CEP135: variants seen among roughly 807,000 people sequenced by gnomAD.
CEP135 encodes the protein centrosomal protein of 135 kDa.
In CEP135, 142 loss-of-function variants were observed where a neutral mutation model predicts 157.3. That is an observed-to-expected ratio of 0.90 (90% CI 0.79 to 1.04). CEP135 has a LOEUF of 1.04. CEP135 is among the 50% of genes least tolerant of loss of function. CEP135 has a pLI of 0.00. For synonymous variants in CEP135, 396 were observed against 439.8 expected (o/e 0.90, Z 1.25); for missense variants, 1,317 against 1,309.2 (o/e 1.01, Z -0.09).
intron 8 of CEP135, among the ~76,000 whole-genome samples, chr4:55,968,831 T>C (rs1425872487): frequency 6.6e-6 from 1 of 152,164 alleles, no homozygotes. Flanking sequence ...TACAAGATGC[T>C]CAAGTGGCCT....
chr4:55,965,940 G>A, intron 8 of CEP135, 81 bp downstream of exon 8: 1 of 1,196,660 alleles, frequency 8.4e-7, no homozygotes, highest in Non-Finnish European at 1.2e-6. Context: ...TTTGATATCT[G>A]CATTCAGGTT....
At chr4:55,996,404 G>T (rs74462891) in intron 15 of CEP135, among the ~76,000 whole-genome samples, 267 of 152,312 alleles carry the variant, frequency 1.8e-3, no homozygotes, top group Non-Finnish European at 2.8e-3. Flanking sequence ...AAGTTATCTG[G>T]ATGCTTAAGA....
intron 3 of CEP135, 53 bp from the exon 4 acceptor site, chr4:55,954,163 T>C (rs1728440155): frequency 9.5e-6 from 14 of 1,472,110 alleles, no homozygotes; most frequent in Non-Finnish European, 1.2e-5. Flanking sequence ...ATGGAAAAAC[T>C]TCATTGGATT....
intron 11 of CEP135, among the ~76,000 whole-genome samples, 185 bp downstream of exon 11, chr4:55,975,154 A>G (rs1729159798): frequency 1.3e-5 from 2 of 152,224 alleles, no homozygotes; most frequent in South Asian, 2.1e-4. Context: ...TTAAGAACAA[A>G]CTATAACATA....
chr4:55,991,012 G>T, intron 14 of CEP135, among the ~76,000 whole-genome samples: 1 of 149,784 alleles, frequency 6.7e-6, no homozygotes, highest in African/African-American at 2.5e-5. Flanking sequence ...GTCTCACTCT[G>T]TTGCCCAGGC....
chr4:55,958,592 CT>C (rs1175802595), intron 5 of CEP135, among the ~76,000 whole-genome samples: 2 of 152,096 alleles, frequency 1.3e-5, no homozygotes, highest in African/African-American at 4.8e-5. Flanking sequence ...TGACATTAGT[CT>C]TTTTTAATTG....
chr4:56,005,594 T>G (rs536140598), intron 17 of CEP135, among the ~76,000 whole-genome samples: 25 of 152,348 alleles, frequency 1.6e-4, no homozygotes, highest in African/African-American at 6.0e-4. Flanking sequence ...TAGATTAGAT[T>G]TTTAGGCTTC....
At chr4:56,020,311 C>T (rs918427729) in intron 23 of CEP135, among the ~76,000 whole-genome samples, 1 of 152,008 alleles carries the variant, frequency 6.6e-6, no homozygotes, top group South Asian at 2.1e-4. Context: ...GGGAAAGAAA[C>T]CCAGAGTAGA....
rs753518007 is a variant in CEP135, at chr4:55,969,105, GA to G, written c.1090del (p.Thr364GlnfsTer9). ...GCTCTCTGAAATGCAGGATCTTGAAGAAACAATGGCAAAACTTCAGCTGGTA... is the reference window on the plus strand; with the variant it reads ...GCTCTCTGAAATGCAGGATCTTGAAGAACAATGGCAAAACTTCAGCTGGTA... ...RKLSEMQDLE[E>X]TMAKLQLELN... On this transcript the variant is annotated frameshift_variant, in exon 9 of 26. Transcript: ENST00000257287. LOFTEE classifies it high-confidence loss of function. 6.2e-7 allele frequency: 1 copy of G among 1,613,066 alleles called. No individual in the cohort carries two copies. The highest frequency in any genetic ancestry group is 2.2e-5 in the East Asian group (1 of 44,850).
intron 8 of CEP135, among the ~76,000 whole-genome samples, chr4:55,966,736 A>G (rs1728856530): frequency 6.6e-6 from 1 of 152,150 alleles, no homozygotes; most frequent in African/African-American, 2.4e-5. Flanking sequence ...CTCCTGCCTC[A>G]GCTTCCCTAA....
chr4:55,977,515 C>G (rs1729262868), intron 11 of CEP135, among the ~76,000 whole-genome samples: 1 of 152,122 alleles, frequency 6.6e-6, no homozygotes, highest in Non-Finnish European at 1.5e-5. Flanking sequence ...ACTACAACTT[C>G]TTGTGAAGAT....
At position 56,009,599 on chromosome 4, in the gene CEP135, CTT is replaced by C. The variant is rs1445008574; in HGVS notation, c.2337-135_2337-134del. ...CCTGTTCTACCTAATTAATAGGTCT[CTT>C]AATGCAGCAGTTATAATTTCTTATA... On this transcript the variant is annotated intron_variant, in intron 18 of 25. Transcript: ENST00000257287. The C allele has an allele frequency of 1.4e-5, 10 of 698,032 alleles. No individual in the cohort carries two copies. The African/African-American group carries it at 1.8e-4, about 13-fold the overall frequency. The allele number at this position is 698,032 out of a possible 1,614,324, so 43.2% of individuals were successfully genotyped here.
At chr4:55,998,278 G>T (rs1413109322) in intron 15 of CEP135, among the ~76,000 whole-genome samples, 2 of 152,166 alleles carry the variant, frequency 1.3e-5, no homozygotes, top group African/African-American at 4.8e-5. Flanking sequence ...AGCAAGGCAG[G>T]ATTGTGAAGT....
At chr4:55,987,654 G>A (rs372674429) in intron 14 of CEP135, among the ~76,000 whole-genome samples, 5 of 152,240 alleles carry the variant, frequency 3.3e-5, no homozygotes, top group African/African-American at 7.2e-5. Flanking sequence ...TATTTCAGGC[G>A]GAAGAGTAAA....
chr4:55,955,130 A>G (rs1728467288), intron 4 of CEP135, among the ~76,000 whole-genome samples: 1 of 152,130 alleles, frequency 6.6e-6, no homozygotes, highest in Admixed American at 6.6e-5. Flanking sequence ...GTGATTGTTC[A>G]GCAGGTATGG....
rs1234767456 is a variant in CEP135 at position 55,992,075 on chromosome 4, A to G, written c.1999A>G (p.Asn667Asp). The G allele has an allele frequency of 6.3e-7, 1 of 1,596,560 alleles. No individual in the cohort carries two copies. The highest frequency in any genetic ancestry group is 1.4e-5 in the African/African-American group (1 of 73,768). The change falls in exon 15 of 26, where the codon AAC becomes GAC. Residue 667 changes from asparagine to aspartate, a missense_variant. Transcript: ENST00000257287. ...GDSSHQKTEV[N>D]SLRIVNEQLQ... ...CTCATCTCATCAGAAAACAGAGGTG[A>G]ACTCACTTAGGTAAGTTTATTCAAA...
chr4:56,030,432 C>CTG (rs1156510973), intron 25 of CEP135, among the ~76,000 whole-genome samples: 1 of 152,018 alleles, frequency 6.6e-6, no homozygotes, highest in Non-Finnish European at 1.5e-5. Flanking sequence ...GACCATATTT[C>CTG]TGTGTGTGTG....
intron 17 of CEP135, 49 bp from the exon 18 acceptor site, chr4:56,008,278 C>T (rs748134116): frequency 4.5e-6 from 6 of 1,333,410 alleles, no homozygotes; most frequent in Non-Finnish European, 6.4e-6. Flanking sequence ...ATAAATTTAG[C>T]TAAAGACATT....
intron 17 of CEP135, among the ~76,000 whole-genome samples, chr4:55,999,851 A>G (rs1730103096): frequency 6.6e-6 from 1 of 152,154 alleles, no homozygotes; most frequent in Non-Finnish European, 1.5e-5. Flanking sequence ...TCCTAGCCGG[A>G]AAAGTTTATT....
Sources: gnomAD v4.1 joint callset for allele counts (sites outside exome capture counted in the v4.1 genomes callset) on GRCh38, gnomAD v4.1.1 for gene constraint, MANE v1.5 for transcripts, NCBI Gene and HGNC (gene_info 2026-07-23, HGNC 2026-07-21) for gene names.